The following MAD1L1 variants were observed in gnomAD, a reference collection of about 807,000 sequenced individuals.
MAD1L1 encodes the protein mitotic arrest deficient 1 like 1.
In MAD1L1, 95 loss-of-function variants were observed where a neutral mutation model predicts 96.9. The observed-to-expected ratio is 0.98, with a 90% CI of 0.83 to 1.16. The LOEUF (loss-of-function observed/expected upper bound fraction) is 1.16, where lower values mean the gene tolerates loss of function less well. Among genes scored for constraint, MAD1L1 ranks in the 50% most tolerant of loss-of-function variants. The pLI is 0.00. For missense variants in MAD1L1, 1,007 were observed against 954.4 expected (o/e 1.06, Z -0.73); for synonymous variants, 473 against 396.6 (o/e 1.19, Z -2.29).
intron 15 of MAD1L1, among the ~76,000 whole-genome samples, chr7:1,960,744 C>G (rs1020290502): frequency 6.6e-6 from 1 of 152,252 alleles, no homozygotes; most frequent in South Asian, 2.1e-4. Flanking sequence ...GATAGAACAA[C>G]GGGCAAAAAA....
At chr7:1,851,159 G>A (rs534346501) in intron 18 of MAD1L1, among the ~76,000 whole-genome samples, 3 of 152,206 alleles carry the variant, frequency 2.0e-5, no homozygotes, top group Non-Finnish European at 2.9e-5. Context: ...GACTGATGGC[G>A]GCAACCCTGT....
intron 15 of MAD1L1, among the ~76,000 whole-genome samples, chr7:1,976,011 G>A (rs1341297172): frequency 6.6e-6 from 1 of 152,224 alleles, no homozygotes; most frequent in Non-Finnish European, 1.5e-5. Flanking sequence ...GGCTGAAAGG[G>A]CTCCTCAGCT....
intron 11 of MAD1L1, among the ~76,000 whole-genome samples, chr7:2,138,809 A>C (rs1788882523): frequency 6.6e-6 from 1 of 152,178 alleles, no homozygotes; most frequent in African/African-American, 2.4e-5. Context: ...TCAAGTGAGC[A>C]GGACCCAGTG....
chr7:1,986,564 T>C (rs1013984232), intron 14 of MAD1L1, among the ~76,000 whole-genome samples: 2 of 152,216 alleles, frequency 1.3e-5, no homozygotes, highest in South Asian at 2.1e-4. Flanking sequence ...CGCGGCTCCC[T>C]CATGGAGCTG....
chr7:1,840,597 C>T (rs532202527), intron 18 of MAD1L1, among the ~76,000 whole-genome samples: 11 of 152,262 alleles, frequency 7.2e-5, no homozygotes, highest in African/African-American at 7.2e-5. Context: ...GGCATGGTGG[C>T]GGGCGCCTGT....
chr7:2,052,982 A>T (rs1784248134), intron 12 of MAD1L1, among the ~76,000 whole-genome samples: 2 of 152,152 alleles, frequency 1.3e-5, no homozygotes, highest in Non-Finnish European at 1.5e-5. Flanking sequence ...AGGCTCCTCC[A>T]CCAGCCTGAG....
At chr7:1,895,054 G>A (rs1053172143) in intron 18 of MAD1L1, among the ~76,000 whole-genome samples, 8 of 152,166 alleles carry the variant, frequency 5.3e-5, no homozygotes, top group South Asian at 2.1e-4. Flanking sequence ...GGAAGCCAGC[G>A]GAAGAAGGGT....
intron 11 of MAD1L1, among the ~76,000 whole-genome samples, chr7:2,101,672 G>A (rs1786788044): frequency 6.6e-6 from 1 of 152,230 alleles, no homozygotes; most frequent in African/African-American, 2.4e-5. Context: ...CTGAGAGCCA[G>A]TAAAGAACAA....
intron 10 of MAD1L1, among the ~76,000 whole-genome samples, chr7:2,193,055 A>C (rs1247277139): frequency 1.3e-5 from 2 of 152,200 alleles, no homozygotes; most frequent in African/African-American, 4.8e-5. Flanking sequence ...TGGAGACAAA[A>C]GCAACTCCTC....
chr7:1,969,708 T>C (rs892490983), intron 15 of MAD1L1, among the ~76,000 whole-genome samples: 5 of 152,244 alleles, frequency 3.3e-5, no homozygotes, highest in Non-Finnish European at 4.4e-5. Flanking sequence ...ATCAGTTGTA[T>C]TTCCCTGTAT....
chr7:1,828,829 T>G (rs1448019734), intron 18 of MAD1L1, among the ~76,000 whole-genome samples: 2 of 152,132 alleles, frequency 1.3e-5, no homozygotes, highest in East Asian at 3.9e-4. Context: ...CAGATCACAT[T>G]AAGTCACTGT....
chr7:1,942,048 C>T (rs1172225702), intron 16 of MAD1L1, among the ~76,000 whole-genome samples: 3 of 152,204 alleles, frequency 2.0e-5, no homozygotes, highest in African/African-American at 4.8e-5. Context: ...CTGGGCCAGG[C>T]TCTTGACCTC....
chr7:2,149,493 A>C (rs1171926522), intron 10 of MAD1L1, among the ~76,000 whole-genome samples: 1 of 152,160 alleles, frequency 6.6e-6, no homozygotes, highest in East Asian at 1.9e-4. Context: ...AGAAACAGAG[A>C]CACGACCTGA....
chr7:1,888,150 ATG>A lies in MAD1L1; in HGVS notation c.1998+10048_1998+10049del, dbSNP rs200733149. ...ATTGTGTGCATGTGGCTGCCTGTGC[ATG>A]TGTGTGCATGTGTGCAGCTGCCTGT... On this transcript the variant is annotated intron_variant, in intron 18 of 18. Coordinates refer to ENST00000265854, the MANE Select transcript of MAD1L1 (RefSeq NM_001013836.2). Among the ~76,000 whole-genome samples, 232 of 139,224 alleles carry A rather than the reference ATG, an allele frequency of 1.7e-3. 2 individuals carry two copies. The highest frequency in any genetic ancestry group is 0.011 in the East Asian group (47 of 4,274). 91.3% of individuals were successfully genotyped at this position (139,224 alleles called of 152,430 possible).
At chr7:2,068,156 T>G (rs1433773045) in intron 12 of MAD1L1, among the ~76,000 whole-genome samples, 1 of 152,178 alleles carries the variant, frequency 6.6e-6, no homozygotes. Context: ...CTGTCTGGGG[T>G]GCACCTGCAA....
intron 16 of MAD1L1, among the ~76,000 whole-genome samples, chr7:1,951,076 G>A (rs1270368325): frequency 1.3e-5 from 2 of 152,258 alleles, no homozygotes; most frequent in African/African-American, 2.4e-5. Flanking sequence ...CTTCACCCGG[G>A]AGGCTGCTCC....
At chr7:2,073,110 G>A (rs888834173) in intron 11 of MAD1L1, among the ~76,000 whole-genome samples, 3 of 152,172 alleles carry the variant, frequency 2.0e-5, no homozygotes, top group African/African-American at 7.2e-5. Context: ...AGGCCGCCTC[G>A]GTGAGGCAGG....
intron 17 of MAD1L1, among the ~76,000 whole-genome samples, chr7:1,919,094 G>A (rs1190710798): frequency 1.3e-5 from 2 of 152,260 alleles, no homozygotes; most frequent in African/African-American, 2.4e-5. Flanking sequence ...AGTCCCAGGA[G>A]TCTGCAGAGA....
At chr7:2,011,273 C>T (rs914169067) in intron 13 of MAD1L1, among the ~76,000 whole-genome samples, 3 of 152,178 alleles carry the variant, frequency 2.0e-5, no homozygotes, top group East Asian at 3.9e-4. Flanking sequence ...GGCGTCCCTG[C>T]CCCAGGGGCT....
Sources: gnomAD v4.1 joint callset for allele counts (sites outside exome capture counted in the v4.1 genomes callset) on GRCh38, gnomAD v4.1.1 for gene constraint, MANE v1.5 for transcripts, NCBI Gene and HGNC (gene_info 2026-07-23, HGNC 2026-07-21) for gene names.